Variants in MAPK10 observed in about 807,000 individuals in gnomAD.
MAPK10 encodes mitogen-activated protein kinase 10, also known as JNK3 alpha protein kinase.
A neutral mutation model predicts 59.3 loss-of-function variants in MAPK10; 25 were observed. The ratio of observed to expected loss-of-function variants is 0.42; its 90% CI spans 0.31 to 0.59. The LOEUF (loss-of-function observed/expected upper bound fraction) is 0.59, where lower values mean the gene tolerates loss of function less well. MAPK10 is among the 20% of genes least tolerant of loss of function. The probability of loss-of-function intolerance (pLI) is 0.15; values close to 1 mark genes in which losing one functional copy is unlikely to be tolerated. For missense variants in MAPK10, 351 were observed against 568.9 expected, an observed-to-expected ratio of 0.62 and a Z score of 3.90; for synonymous variants, 190 against 200.5, an observed-to-expected ratio of 0.95 and a Z score of 0.44.
intron 2 of MAPK10, among the ~76,000 whole-genome samples, chr4:86,314,795 G>C (rs1013262900): frequency 1.3e-5 from 2 of 152,034 alleles, no homozygotes; most frequent in South Asian, 4.1e-4. Flanking sequence ...ATACCATCTA[G>C]AGTGATAAGG....
intron 1 of MAPK10, among the ~76,000 whole-genome samples, chr4:86,527,117 T>C (rs1221560128): frequency 1.3e-5 from 2 of 151,820 alleles, no homozygotes; most frequent in Non-Finnish European, 2.9e-5. Context: ...GAGACCAGTC[T>C]GGGCAACCTA....
chr4:86,349,184 A>AT (rs757808441), intron 2 of MAPK10, among the ~76,000 whole-genome samples: 6 of 152,232 alleles, frequency 3.9e-5, no homozygotes, highest in Non-Finnish European at 5.9e-5. Context: ...GGCAAACAAC[A>AT]TAGGCTATTA....
At position 86,314,829 on chromosome 4, in the gene MAPK10, A is replaced by C. The variant is rs1000981009; in HGVS notation, c.-7+39701T>G. On this transcript the variant is annotated intron_variant, in intron 2 of 13. Coordinates refer to ENST00000641462, the MANE Select transcript of MAPK10 (RefSeq NM_138982.4). ...GGGAATATATTGATATGCATAACAA[A>C]CTTAAGATCATATTACACACACAAT... Among the ~76,000 whole-genome samples the C allele has an allele frequency of 1.0e-3, 156 of 152,280 alleles. 3 individuals are homozygous for C. Among genetic ancestry groups the C allele is most frequent in the Non-Finnish European group, 4.4e-5 (3 of 68,018 alleles).
chr4:86,099,919 G>A (rs975200821), intron 8 of MAPK10: 7 of 152,162 alleles, frequency 4.6e-5, no homozygotes, highest in Non-Finnish European at 7.4e-5. Flanking sequence ...CCAGAACTCC[G>A]ATATTGCCCA....
At chr4:86,426,886 G>A (rs1417174237) in intron 1 of MAPK10, among the ~76,000 whole-genome samples, 2 of 152,002 alleles carry the variant, frequency 1.3e-5, no homozygotes, top group East Asian at 3.9e-4. Context: ...ATAAATGCTA[G>A]GGAAGGAAAA....
intron 1 of MAPK10, among the ~76,000 whole-genome samples, chr4:86,472,809 C>G (rs1225827465): frequency 1.3e-5 from 2 of 152,176 alleles, no homozygotes; most frequent in African/African-American, 4.8e-5. Flanking sequence ...GAAATATTCT[C>G]TCCACAGGGT....
chr4:86,054,985 A>T (rs544418863), intron 11 of MAPK10, among the ~76,000 whole-genome samples: 1 of 152,312 alleles, frequency 6.6e-6, no homozygotes, highest in Admixed American at 6.5e-5. Context: ...ATCTGGTCGA[A>T]AAACAGAATT....
chr4:86,039,577 A>G (rs2041069099), intron 11 of MAPK10, among the ~76,000 whole-genome samples: 1 of 152,050 alleles, frequency 6.6e-6, no homozygotes, highest in South Asian at 2.1e-4. Flanking sequence ...GGGCCACTCT[A>G]CTGCCAGGTC....
chr4:86,344,743 C>A (rs1727128049), intron 2 of MAPK10, among the ~76,000 whole-genome samples: 1 of 152,118 alleles, frequency 6.6e-6, no homozygotes, highest in Non-Finnish European at 1.5e-5. Flanking sequence ...TGTCTGTTAA[C>A]TTCATGTAAA....
intron 1 of MAPK10, among the ~76,000 whole-genome samples, chr4:86,469,907 T>C (rs1752525098): frequency 6.6e-6 from 1 of 152,202 alleles, no homozygotes; most frequent in South Asian, 2.1e-4. Context: ...GAGAATTGCA[T>C]AGGGCAATGA....
At chr4:86,097,536 C>A (rs943456118) in intron 9 of MAPK10, among the ~76,000 whole-genome samples, 7 of 151,876 alleles carry the variant, frequency 4.6e-5, no homozygotes, top group African/African-American at 1.7e-4. Context: ...ATGGTTATTG[C>A]CAATTTCCAA....
intron 2 of MAPK10, among the ~76,000 whole-genome samples, chr4:86,318,770 T>C (rs1302118342): frequency 2.0e-5 from 3 of 152,266 alleles, no homozygotes; most frequent in African/African-American, 4.8e-5. Flanking sequence ...GACATTTACA[T>C]AAATTAATAA....
intron 9 of MAPK10, among the ~76,000 whole-genome samples, chr4:86,076,266 C>T (rs898857505): frequency 1.4e-4 from 21 of 152,196 alleles, no homozygotes; most frequent in African/African-American, 3.4e-4. Flanking sequence ...GCACGGTGCG[C>T]GCACCCACTG....
intron 2 of MAPK10, among the ~76,000 whole-genome samples, chr4:86,345,801 C>T (rs2148949920): frequency 6.6e-6 from 1 of 152,336 alleles, no homozygotes; most frequent in Non-Finnish European, 1.5e-5. Flanking sequence ...CCTATATATT[C>T]CTGCAGTGTC....
chr4:86,335,320 A>G (rs1181605098), intron 2 of MAPK10, among the ~76,000 whole-genome samples: 1 of 152,256 alleles, frequency 6.6e-6, no homozygotes, highest in Non-Finnish European at 1.5e-5. Context: ...GCTAAAGGCA[A>G]ATGCCATTAT....
upstream of MAPK10, among the ~76,000 whole-genome samples, chr4:86,364,525 G>T (rs1453656627): frequency 2.0e-5 from 3 of 151,600 alleles, no homozygotes; most frequent in Non-Finnish European, 2.9e-5. Context: ...ATTTTGGTGT[G>T]GATCTTACAT....
intron 1 of MAPK10, among the ~76,000 whole-genome samples, chr4:86,386,031 C>T (rs1010440648): frequency 1.3e-5 from 2 of 152,118 alleles, no homozygotes; most frequent in African/African-American, 2.4e-5. Flanking sequence ...CCAAGATCTG[C>T]CCCCTGAAAG....
chr4:86,037,251 C>T (rs939365184), intron 11 of MAPK10, among the ~76,000 whole-genome samples: 6 of 152,286 alleles, frequency 3.9e-5, no homozygotes, highest in African/African-American at 1.4e-4. Context: ...GTAAAAGTTG[C>T]TCTTTCTGCC....
upstream of MAPK10, among the ~76,000 whole-genome samples, chr4:86,364,399 G>A (rs1480864133): frequency 6.6e-6 from 1 of 152,118 alleles, no homozygotes; most frequent in African/African-American, 2.4e-5. Context: ...AACGTGCTGA[G>A]ATTACAGGCA....
Sources: gnomAD v4.1 joint callset for allele counts (sites outside exome capture counted in the v4.1 genomes callset) on GRCh38, gnomAD v4.1.1 for gene constraint, MANE v1.5 for transcripts, NCBI Gene and HGNC (gene_info 2026-07-23, HGNC 2026-07-21) for gene names.